CNTN5: variants seen among roughly 807,000 people sequenced by gnomAD.
The protein encoded by CNTN5 is contactin 5.
Under a neutral mutation model 129.1 loss-of-function variants are expected in CNTN5, and 77 were observed. The observed-to-expected ratio is 0.60, with a 90% CI of 0.50 to 0.72. CNTN5 has a LOEUF of 0.72. Ranked by LOEUF, CNTN5 falls within the 30% of genes least tolerant of loss-of-function variation. The probability of loss-of-function intolerance (pLI) is 0.00; values close to 1 mark genes in which losing one functional copy is unlikely to be tolerated. For missense variants in CNTN5, 1,478 were observed against 1,328.8 expected (o/e 1.11, Z -1.75); for synonymous variants, 509 against 465.6 (o/e 1.09, Z -1.20).
At chr11:99,926,697 A>T (rs1950070769) in intron 7 of CNTN5, among the ~76,000 whole-genome samples, 1 of 152,138 alleles carries the variant, frequency 6.6e-6, no homozygotes, top group Non-Finnish European at 1.5e-5. Flanking sequence ...TTCCAAAAAT[A>T]TTTAAGGATT....
At chr11:99,844,125 C>G (rs1264482631) in intron 4 of CNTN5, among the ~76,000 whole-genome samples, 1 of 152,108 alleles carries the variant, frequency 6.6e-6, no homozygotes, top group African/African-American at 2.4e-5. Context: ...TGAGTATTAG[C>G]TAACTAAAAT....
intron 3 of CNTN5, among the ~76,000 whole-genome samples, chr11:99,692,185 T>C (rs1306632910): frequency 6.6e-6 from 1 of 152,160 alleles, no homozygotes; most frequent in Non-Finnish European, 1.5e-5. Flanking sequence ...GGTTCGTGGT[T>C]CTTTATCCAA....
intron 3 of CNTN5, among the ~76,000 whole-genome samples, chr11:99,630,183 A>G (rs573687981): frequency 2.6e-5 from 4 of 152,026 alleles, no homozygotes; most frequent in Admixed American, 1.3e-4. Flanking sequence ...AATAATTGCA[A>G]AAATATTTGG....
chr11:100,275,094 A>C (rs1950480941), intron 18 of CNTN5, among the ~76,000 whole-genome samples: 1 of 52,958 alleles, frequency 1.9e-5, no homozygotes, highest in Non-Finnish European at 4.9e-5. Flanking sequence ...AAATTAAACA[A>C]CCAAAAAAAA....
chr11:99,997,641 C>T (rs946524020), intron 8 of CNTN5, among the ~76,000 whole-genome samples: 1 of 152,070 alleles, frequency 6.6e-6, no homozygotes, highest in South Asian at 2.1e-4. Context: ...GGGAATCCTC[C>T]CTAACTCACT....
Position 99,350,236 on chromosome 11 carries a change from T to C in CNTN5, c.-71+24752T>C, listed in dbSNP as rs142387525. Among the ~76,000 whole-genome samples, 91 of 152,272 alleles carry C rather than the reference T, an allele frequency of 6.0e-4. No homozygotes were observed. The East Asian group carries it at 0.015, about 24-fold the overall frequency. ...TAATAATTGCTATGTATATGAAAAG[T>C]AAGCAAATTAACAACGGAATGCCTA... On this transcript the variant is annotated intron_variant, in intron 2 of 24. Transcript: ENST00000524871.
At chr11:99,550,465 C>G (rs1270746364) in intron 2 of CNTN5, among the ~76,000 whole-genome samples, 2 of 152,074 alleles carry the variant, frequency 1.3e-5, no homozygotes, top group Non-Finnish European at 2.9e-5. Flanking sequence ...TCTATGAGCC[C>G]TATTCCAACC....
intron 1 of CNTN5, among the ~76,000 whole-genome samples, chr11:99,202,781 A>C (rs1973140): frequency 0.16 from 23,563 of 150,306 alleles, 2,239 homozygotes; most frequent in East Asian, 0.34. Context: ...AATAAATATA[A>C]ATATATATTT....
At chr11:99,740,542 C>T (rs1943855479) in intron 3 of CNTN5, among the ~76,000 whole-genome samples, 1 of 152,134 alleles carries the variant, frequency 6.6e-6, no homozygotes, top group African/African-American at 2.4e-5. Context: ...GTTAGGTCTG[C>T]ATCTGGCTCC....
intron 1 of CNTN5, among the ~76,000 whole-genome samples, chr11:99,194,235 G>T (rs1858790547): frequency 6.6e-6 from 1 of 151,864 alleles, no homozygotes; most frequent in Non-Finnish European, 1.5e-5. Flanking sequence ...ATTAAATGAA[G>T]GTTTATAATT....
intron 2 of CNTN5, among the ~76,000 whole-genome samples, chr11:99,425,116 T>A (rs997825582): frequency 1.3e-5 from 2 of 152,160 alleles, no homozygotes; most frequent in African/African-American, 4.8e-5. Flanking sequence ...TCCCAATGTC[T>A]CTGTGAGTCT....
At chr11:99,894,179 C>T (rs954595139) in intron 6 of CNTN5, among the ~76,000 whole-genome samples, 1 of 152,120 alleles carries the variant, frequency 6.6e-6, no homozygotes, top group Non-Finnish European at 1.5e-5. Flanking sequence ...AAATATATTG[C>T]TCATGGTGGC....
intron 2 of CNTN5, among the ~76,000 whole-genome samples, chr11:99,482,905 T>C (rs1945655716): frequency 6.6e-6 from 1 of 151,856 alleles, no homozygotes; most frequent in South Asian, 2.1e-4. Flanking sequence ...ACGACTCCTA[T>C]CCAAAATACA....
At chr11:99,110,095 C>T (rs1040425531) in intron 1 of CNTN5, among the ~76,000 whole-genome samples, 11 of 152,094 alleles carry the variant, frequency 7.2e-5, no homozygotes, top group Non-Finnish European at 1.5e-4. Context: ...AAGGGAACCT[C>T]GCTCGGAGTG....
chr11:99,242,107 A>G (rs1202847742), intron 1 of CNTN5, among the ~76,000 whole-genome samples: 1 of 152,186 alleles, frequency 6.6e-6, no homozygotes, highest in Non-Finnish European at 1.5e-5. Flanking sequence ...TATATAATAT[A>G]TTTTCACAAA....
chr11:99,482,555 T>C (rs956770731), intron 2 of CNTN5, among the ~76,000 whole-genome samples: 4 of 152,232 alleles, frequency 2.6e-5, no homozygotes, highest in Non-Finnish European at 5.9e-5. Context: ...AAATGTGACT[T>C]TTCAGTAAAT....
intron 9 of CNTN5, among the ~76,000 whole-genome samples, chr11:100,003,219 C>T (rs1939987306): frequency 6.6e-6 from 1 of 151,934 alleles, no homozygotes; most frequent in Admixed American, 6.6e-5. Context: ...GTTATGTGAC[C>T]CATCTTTTAA....
intron 6 of CNTN5, among the ~76,000 whole-genome samples, chr11:99,904,688 C>T (rs187100065): frequency 8.1e-4 from 124 of 152,248 alleles, no homozygotes; most frequent in African/African-American, 2.9e-3. Flanking sequence ...AATGGTATTT[C>T]TGGTTCTAGA....
At chr11:99,206,998 A>C (rs976524573) in intron 1 of CNTN5, among the ~76,000 whole-genome samples, 1 of 152,044 alleles carries the variant, frequency 6.6e-6, no homozygotes, top group Non-Finnish European at 1.5e-5. Context: ...CCATACCTAA[A>C]ATAACATTTT....
Sources: allele counts gnomAD v4.1 joint callset (sites outside exome capture counted in the v4.1 genomes callset), GRCh38; gene constraint gnomAD v4.1.1; transcripts MANE v1.5; gene names NCBI Gene and HGNC (gene_info 2026-07-23, HGNC 2026-07-21).